The following KEL variants were observed in gnomAD, a reference collection of about 807,000 sequenced individuals.
KEL encodes the protein kell blood group glycoprotein.
Under a neutral mutation model 99.5 loss-of-function variants are expected in KEL, and 96 were observed. That is an observed-to-expected ratio of 0.97 (90% CI 0.82 to 1.14). KEL has a LOEUF of 1.14. Ranked by LOEUF, KEL falls within the 50% of genes most tolerant of loss-of-function variation. The pLI is 0.00. For missense variants in KEL, 926 were observed against 924.2 expected (o/e 1.00, Z -0.03); for synonymous variants, 355 against 354.8 (o/e 1.00, Z -0.01).
At chr7:142,944,620 C>G (rs779362258) in intron 12 of KEL, 23 bp downstream of exon 12, 2 of 1,585,090 alleles carry the variant, frequency 1.3e-6, no homozygotes, top group Non-Finnish European at 1.7e-6. Context: ...GGCTCCCACA[C>G]CAGCCAGGAC....
chr7:142,955,854 A>T (rs770858302), intron 6 of KEL, among the ~76,000 whole-genome samples: 58 of 152,344 alleles, frequency 3.8e-4, no homozygotes, highest in Admixed American at 7.8e-4. Flanking sequence ...AGCTCTGTGC[A>T]GTCTGTGTCC....
chr7:142,941,209 T>G lies in KEL; in HGVS notation c.*43A>C. On this transcript the variant is annotated 3_prime_UTR_variant, in exon 19 of 19. Transcript: ENST00000355265. Reference sequence around the variant, plus strand: ...GATTCCATGGATGTGACCAGGGAGGTGTTGGTCGATATTTCTGTGCTGTGG... The same window carrying G: ...GATTCCATGGATGTGACCAGGGAGGGGTTGGTCGATATTTCTGTGCTGTGG... 1 of 1,596,758 alleles carries G rather than the reference T, an allele frequency of 6.3e-7. No homozygotes were observed. Among genetic ancestry groups the G allele is most frequent in the Non-Finnish European group, 8.6e-7 (1 of 1,164,998 alleles).
chr7:142,943,019 A>G lies in KEL; in HGVS notation c.1797T>C (p.Cys599=). 1.2e-6 allele frequency: 2 copies of G among 1,614,174 alleles called. No homozygotes were observed. Among genetic ancestry groups the G allele is most frequent in the Non-Finnish European group, 1.7e-6 (2 of 1,180,044 alleles). ...QLLLPGGCLA[C]DNHALQEAHL... ...GAGCTTCCTGGAGGGCATGGTTGTCACAGGCGAGGCAGCCCCCAGGCAGTA... is the reference window on the plus strand; with the variant it reads ...GAGCTTCCTGGAGGGCATGGTTGTCGCAGGCGAGGCAGCCCCCAGGCAGTA... The change falls in exon 17 of 19, where the codon TGT becomes TGC. Residue 599 remains cysteine (C), a synonymous_variant. Transcript: ENST00000355265.
At chr7:142,942,342 G>A (rs8176043) in intron 18 of KEL, 92 bp downstream of exon 18, 41 of 833,282 alleles carry the variant, frequency 4.9e-5, no homozygotes, top group Middle Eastern at 4.3e-4. Context: ...GGTATTTGAC[G>A]GAGTGTCTGA....
chr7:142,942,771 A>G, intron 17 of KEL, 104 bp downstream of exon 17: 1 of 1,411,036 alleles, frequency 7.1e-7, no homozygotes, highest in East Asian at 2.3e-5. Context: ...AAGGGCAGAA[A>G]GCCATGCAAC....
At position 142,946,288 on chromosome 7, in the gene KEL, C is replaced by T. The variant is rs1165119045; in HGVS notation, c.1233G>A (p.Val411=). The change falls in exon 11 of 19, where the codon GTG becomes GTA. Residue 411 remains valine, a synonymous_variant. Transcript: ENST00000355265. ...GCTCGAAGAACGTGCCTGTCTCCTC[C>T]ACGCACTTCATCCATCGTGGGCGGG... is the stretch of plus-strand genomic sequence containing the variant. ...MPARPRWMKC[V]EETGTFFEPT... is the part of the protein sequence containing the mutation. 6.2e-7 allele frequency: 1 copy of T among 1,614,076 alleles called. No homozygotes were observed. The highest frequency in any genetic ancestry group is 8.5e-7 in the Non-Finnish European group (1 of 1,180,008).
chr7:142,953,424 CCA>C, intron 9 of KEL: 2 of 981,544 alleles, frequency 2.0e-6, no homozygotes, highest in Non-Finnish European at 2.4e-6. Context: ...CTCCTCCTGC[CCA>C]CAGTCCTCAG....
intron 10 of KEL, among the ~76,000 whole-genome samples, chr7:142,951,999 C>T (rs1478802167): frequency 6.6e-6 from 1 of 152,010 alleles, no homozygotes; most frequent in African/African-American, 2.4e-5. Flanking sequence ...TACCCAGGCC[C>T]CTCCTCAGAT....
Position 142,943,258 on chromosome 7 carries a change from G to GT in KEL, c.1771+17dup, listed in dbSNP as rs1796416462. The GT allele has an allele frequency of 6.2e-7, 1 of 1,613,002 alleles. No homozygotes were observed. Among genetic ancestry groups the GT allele is most frequent in the Admixed American group, 1.7e-5 (1 of 59,888 alleles). ...AGGTTCCCTATTATCCCACCTCCCA[G>GT]TGGCCCCTGTTACCCACAGAGCTGG... On this transcript the variant is annotated intron_variant, in intron 16 of 18. Transcript: ENST00000355265.
intron 1 of KEL, 110 bp from the exon 2 acceptor site, chr7:142,961,982 A>G (rs1055913980): frequency 4.2e-5 from 67 of 1,607,558 alleles, no homozygotes; most frequent in South Asian, 3.1e-4. Context: ...CCCTGCCCCC[A>G]CACACATATT....
chr7:142,943,568 C>T lies in KEL; in HGVS notation c.1621G>A (p.Ala541Thr). 6.2e-7 allele frequency: 1 copy of T among 1,614,086 alleles called. No individual in the cohort carries two copies. The highest frequency in any genetic ancestry group is 1.6e-4 in the Middle Eastern group (1 of 6,062). ...ACATGGTCAGATACCGAATAGTAAG[C>T]ATTGACGTCCCAAGGGGACACCTTC... The part of the protein sequence containing the change: ...RWKVSPWDVN[A>T]YYSVSDHVVV... The change falls in exon 15 of 19, where the codon GCT becomes ACT. Residue 541 changes from alanine to threonine, a missense_variant. Transcript: ENST00000355265.
intron 6 of KEL, among the ~76,000 whole-genome samples, chr7:142,954,805 T>C (rs1796788581): frequency 6.6e-6 from 1 of 152,084 alleles, no homozygotes; most frequent in Non-Finnish European, 1.5e-5. Context: ...TAAAAGGAGC[T>C]ATTCCTTGTC....
In KEL at chr7:142,943,601, G is replaced by A; in HGVS notation, c.1593-5C>T. 6.2e-7 allele frequency: 1 copy of A among 1,606,922 alleles called. No homozygotes were observed. The highest frequency in any genetic ancestry group is 8.5e-7 in the Non-Finnish European group (1 of 1,173,632). On this transcript the variant is annotated splice_polypyrimidine_tract_variant and splice_region_variant and intron_variant, in intron 14 of 18. Transcript: ENST00000355265. ...TCCCAAGGGGACACCTTCCACCTGT[G>A]GGAAGAGGACATGTGAACTCCAGCC...
chr7:142,957,818 A>C lies in KEL; in HGVS notation c.672+9T>G. The C allele has an allele frequency of 1.2e-6, 2 of 1,614,024 alleles. No homozygotes were observed. The highest frequency in any genetic ancestry group is 1.7e-6 in the Non-Finnish European group (2 of 1,179,992). ...GGTCCAACTGTGTCTTCGCCAGTGC[A>C]TCCCTCACCTGGATGACTGGTGTGT... On this transcript the variant is annotated intron_variant, in intron 6 of 18. Coordinates refer to ENST00000355265, the MANE Select transcript of KEL (RefSeq NM_000420.3).
Position 142,944,237 on chromosome 7 carries a change from C to T in KEL, c.1491+86G>A, listed in dbSNP as rs8176064. On this transcript the variant is annotated intron_variant, in intron 13 of 18. Coordinates refer to ENST00000355265, the MANE Select transcript of KEL (RefSeq NM_000420.3). ...ACAGAGCTAAGTCACCCAGGGAAAACTGATTGTCCAACAAAGACTTAGGAG... is the reference window on the plus strand; with the variant it reads ...ACAGAGCTAAGTCACCCAGGGAAAATTGATTGTCCAACAAAGACTTAGGAG... 2.0e-3 allele frequency: 2,228 copies of T among 1,137,364 alleles called. 2 individuals carry two copies. Among genetic ancestry groups the T allele is most frequent in the Non-Finnish European group, 2.4e-3 (1,769 of 744,628 alleles). 70.5% of individuals were successfully genotyped at this position (1,137,364 alleles called of 1,614,324 possible).
intron 10 of KEL, among the ~76,000 whole-genome samples, chr7:142,947,549 C>CTTATTT (rs1796566131): frequency 6.6e-6 from 1 of 152,120 alleles, no homozygotes; most frequent in African/African-American, 2.4e-5. Flanking sequence ...AACCTTGAGT[C>CTTATTT]TTATTTTTAT....
intron 3 of KEL, 126 bp downstream of exon 3, chr7:142,961,234 G>A: frequency 5.9e-6 from 9 of 1,513,538 alleles, no homozygotes; most frequent in Admixed American, 1.7e-5. Flanking sequence ...TAGGATGCAG[G>A]GAGGAAGAAG....
intron 11 of KEL, chr7:142,945,012 C>T (rs1796486194): frequency 1.8e-6 from 1 of 543,866 alleles, no homozygotes; most frequent in South Asian, 2.0e-5. Context: ...TAGCCTGACA[C>T]AGGAGAAAGA....
chr7:142,944,966 G>T, intron 11 of KEL: 1 of 607,830 alleles, frequency 1.6e-6, no homozygotes, highest in Non-Finnish European at 2.9e-6. Context: ...ATCCGTGAGG[G>T]CCATCAGGGA....
Sources: gnomAD v4.1 joint callset for allele counts (sites outside exome capture counted in the v4.1 genomes callset) on GRCh38, gnomAD v4.1.1 for gene constraint, MANE v1.5 for transcripts, NCBI Gene and HGNC (gene_info 2026-07-23, HGNC 2026-07-21) for gene names.